ABTB3: variants seen among roughly 807,000 people sequenced by gnomAD.
ABTB3 encodes the protein ankyrin repeat and BTB domain containing 3.
At chr12:107,461,335 T>C in the ABTB3 span, among the ~76,000 whole-genome samples, 2 of 151,998 alleles carry the variant, frequency 1.3e-5, no homozygotes, top group African/African-American at 2.4e-5. Context: ...ATGACTGGCA[T>C]CCTTAAGAGA....
chr12:107,382,104 T>C, the ABTB3 span, among the ~76,000 whole-genome samples: 141,536 of 152,272 alleles, frequency 0.93, 65,887 homozygotes, highest in African/African-American at 0.97. Flanking sequence ...AAGAACAAAT[T>C]GGCCAGCAAT....
At chr12:107,503,995 C>A in the ABTB3 span, among the ~76,000 whole-genome samples, 1 of 152,108 alleles carries the variant, frequency 6.6e-6, no homozygotes, top group African/African-American at 2.4e-5. Flanking sequence ...GCATCCTTAT[C>A]TTTCTCCTTG....
the ABTB3 span, among the ~76,000 whole-genome samples, chr12:107,392,489 G>T: frequency 6.6e-6 from 1 of 152,104 alleles, no homozygotes; most frequent in Non-Finnish European, 1.5e-5. Context: ...CACGCAGGTC[G>T]TTCTGTTCTG....
chr12:107,459,322 CATTT>C, the ABTB3 span, among the ~76,000 whole-genome samples: 1 of 152,194 alleles, frequency 6.6e-6, no homozygotes, highest in African/African-American at 2.4e-5. Context: ...TAAATTCATT[CATTT>C]GTGATTGATT....
At chr12:107,368,902 C>A in the ABTB3 span, among the ~76,000 whole-genome samples, 1 of 152,176 alleles carries the variant, frequency 6.6e-6, no homozygotes, top group African/African-American at 2.4e-5. Context: ...CTGTGACCTG[C>A]CTATTCATAT....
chr12:107,462,627 ATGG>A, the ABTB3 span, among the ~76,000 whole-genome samples: 1 of 151,722 alleles, frequency 6.6e-6, no homozygotes, highest in African/African-American at 2.4e-5. Context: ...GGTGATGATG[ATGG>A]TGGTAATGAT....
chr12:107,474,432 A>G, the ABTB3 span, among the ~76,000 whole-genome samples: 2 of 152,190 alleles, frequency 1.3e-5, no homozygotes, highest in Admixed American at 1.3e-4. Flanking sequence ...ACTGCTCCAA[A>G]CAGCGGGCTC....
At chr12:107,623,636 G>A in the ABTB3 span, among the ~76,000 whole-genome samples, 1 of 152,008 alleles carries the variant, frequency 6.6e-6, no homozygotes, top group Non-Finnish European at 1.5e-5. Context: ...TAAAGTGCTG[G>A]GATTACAGGC....
the ABTB3 span, among the ~76,000 whole-genome samples, chr12:107,545,451 C>T: frequency 6.6e-6 from 1 of 151,920 alleles, no homozygotes; most frequent in African/African-American, 2.4e-5. Flanking sequence ...TCACCATGTT[C>T]CCCAGGCTGG....
At chr12:107,364,835 C>T in the ABTB3 span, among the ~76,000 whole-genome samples, 75 of 152,206 alleles carry the variant, frequency 4.9e-4, no homozygotes, top group East Asian at 0.01. Context: ...TGAAGGCTGG[C>T]GCTGCCAAAA....
chr12:107,546,001 G>A, the ABTB3 span, among the ~76,000 whole-genome samples: 4 of 152,202 alleles, frequency 2.6e-5, no homozygotes, highest in South Asian at 2.1e-4. Context: ...TCACTCAGCC[G>A]ACTTTCAGTT....
chr12:107,621,182 T>C, the ABTB3 span, among the ~76,000 whole-genome samples: 1 of 152,294 alleles, frequency 6.6e-6, no homozygotes, highest in South Asian at 2.1e-4. Flanking sequence ...GGTGTTCTCA[T>C]TAGCGCCCAT....
chr12:107,418,440 AGAACCT>A, the ABTB3 span, among the ~76,000 whole-genome samples: 1 of 152,194 alleles, frequency 6.6e-6, no homozygotes, highest in African/African-American at 2.4e-5. Context: ...GTCCCTCTAG[AGAACCT>A]TGACTAATAC....
the ABTB3 span, among the ~76,000 whole-genome samples, chr12:107,459,577 G>C: frequency 2.0e-5 from 3 of 152,354 alleles, no homozygotes; most frequent in Middle Eastern, 3.4e-3. Flanking sequence ...ATTTTGAGGA[G>C]AGCCCTGATG....
chr12:107,450,071 G>A, the ABTB3 span, among the ~76,000 whole-genome samples: 1 of 152,010 alleles, frequency 6.6e-6, no homozygotes, highest in Non-Finnish European at 1.5e-5. Flanking sequence ...CTGTCCCAAC[G>A]ATTAATGTGT....
the ABTB3 span, among the ~76,000 whole-genome samples, chr12:107,410,485 G>A: frequency 6.6e-6 from 1 of 152,192 alleles, no homozygotes; most frequent in Non-Finnish European, 1.5e-5. Context: ...GTTTGCACTT[G>A]TAAAGACCTC....
At chr12:107,319,780 G>A in the ABTB3 span, 49 of 1,457,956 alleles carry the variant, frequency 3.4e-5, 1 homozygote, top group Non-Finnish European at 4.2e-5. Flanking sequence ...GCCCTGGTGC[G>A]GCCCCCGCGG....
At chr12:107,553,074 A>G in the ABTB3 span, among the ~76,000 whole-genome samples, 5 of 152,200 alleles carry the variant, frequency 3.3e-5, no homozygotes, top group Admixed American at 3.3e-4. Flanking sequence ...TCAGCTGTGA[A>G]CAAGAAATAA....
the ABTB3 span, among the ~76,000 whole-genome samples, chr12:107,414,526 G>A: frequency 6.6e-6 from 1 of 152,032 alleles, no homozygotes; most frequent in Admixed American, 6.6e-5. Flanking sequence ...CAATAATATA[G>A]TAACATTAAT....
Sources: gnomAD v4.1 joint callset for allele counts (sites outside exome capture counted in the v4.1 genomes callset) on GRCh38, gnomAD v4.1.1 for gene constraint, MANE v1.5 for transcripts, NCBI Gene and HGNC (gene_info 2026-07-23, HGNC 2026-07-21) for gene names.